MEGF11: variants seen among roughly 807,000 people sequenced by gnomAD.
MEGF11 encodes the protein multiple EGF like domains 11.
MEGF11 carries 126 observed loss-of-function variants against 146.6 expected under a neutral mutation model. That is an observed-to-expected ratio of 0.86 (90% CI 0.74 to 1.00). MEGF11 has a LOEUF of 1.00. Among genes scored for constraint, MEGF11 ranks in the 50% least tolerant of loss-of-function variants. MEGF11 has a pLI of 0.00. For missense variants in MEGF11, 1,509 were observed against 1,521.2 expected (o/e 0.99, Z 0.13); for synonymous variants, 532 against 583.4 (o/e 0.91, Z 1.27).
chr15:66,111,477 GA>G (rs1002852426), intron 4 of MEGF11, among the ~76,000 whole-genome samples: 5 of 152,340 alleles, frequency 3.3e-5, no homozygotes, highest in Admixed American at 3.3e-4. Context: ...AAGTGTTGGG[GA>G]AAGGGGGAGT....
intron 1 of MEGF11, among the ~76,000 whole-genome samples, chr15:66,222,624 G>A (rs1028071462): frequency 2.0e-5 from 3 of 152,146 alleles, no homozygotes; most frequent in Non-Finnish European, 4.4e-5. Context: ...TAGTAGGCTG[G>A]CTCATTCGCT....
intron 1 of MEGF11, among the ~76,000 whole-genome samples, chr15:66,230,546 A>G (rs960073501): frequency 6.6e-6 from 1 of 152,232 alleles, no homozygotes; most frequent in African/African-American, 2.4e-5. Flanking sequence ...AACTTTAGGA[A>G]TAAGAATAAT....
Position 66,039,843 on chromosome 15 carries a change from ACGG to A in MEGF11, c.394+54556_394+54558del, listed in dbSNP as rs1567213541. Among the ~76,000 whole-genome samples the A allele has an allele frequency of 5.3e-4, 2 of 3,776 alleles. 1 individual carries two copies. The highest frequency in any genetic ancestry group is 1.5e-3 in the Non-Finnish European group (2 of 1,328). The allele number at this position is 3,776 out of a possible 152,430, so 2.5% of individuals were successfully genotyped here. ...AGCCGGGTCAGGCGGCGGTGGGGTG[ACGG>A]TCCTGAGCCGGGTCAGGCGGCGGTG... On this transcript the variant is annotated intron_variant, in intron 5 of 25. Coordinates refer to ENST00000395614, the MANE Select transcript of MEGF11 (RefSeq NM_001385028.1).
At chr15:66,009,400 G>A (rs2082632507) in intron 5 of MEGF11, among the ~76,000 whole-genome samples, 1 of 152,038 alleles carries the variant, frequency 6.6e-6, no homozygotes, top group African/African-American at 2.4e-5. Context: ...CCTTGGGGAT[G>A]CTTCCTAGTG....
chr15:66,154,766 G>C (rs990271839), intron 1 of MEGF11, among the ~76,000 whole-genome samples: 3 of 152,200 alleles, frequency 2.0e-5, no homozygotes, highest in Non-Finnish European at 4.4e-5. Flanking sequence ...AGCCACCCCT[G>C]TTGGGCCAGG....
rs76596187 is a variant in MEGF11 at position 65,953,082 on chromosome 15, G to A, written c.1287+4465C>T. ...CATGGCTCTGATCCATCAGGTATCC[G>A]TGGGTACAGCTCATCCCAACACCCT... is the stretch of plus-strand genomic sequence containing the variant. On this transcript the variant is annotated intron_variant, in intron 10 of 25. Transcript: ENST00000395614. Among the ~76,000 whole-genome samples, 514 of 152,300 alleles carry A rather than the reference G, an allele frequency of 3.4e-3. 4 individuals carry two copies. Among genetic ancestry groups the A allele is most frequent in the Non-Finnish European group, 4.8e-3 (329 of 68,034 alleles).
rs180747379 is a variant in MEGF11 at position 66,017,429 on chromosome 15, G to A, written c.395-34941C>T. Among the ~76,000 whole-genome samples, 24 of 152,384 alleles carry A rather than the reference G, an allele frequency of 1.6e-4. No homozygotes were observed. In the East Asian group the frequency reaches 4.4e-3, roughly 28 times the overall value. On this transcript the variant is annotated intron_variant, in intron 5 of 25. Transcript: ENST00000395614. ...AGAAGGAAAAACTGACTGAGCGCCA[G>A]ATGACTTACTCAAGCTTATACAGGT...
intron 1 of MEGF11, among the ~76,000 whole-genome samples, chr15:66,131,492 G>C (rs965891124): frequency 2.0e-5 from 3 of 152,230 alleles, no homozygotes; most frequent in African/African-American, 7.2e-5. Context: ...GCTAGAGAAA[G>C]GGCATTTCTG....
chr15:65,951,022 G>T (rs1316936207), intron 10 of MEGF11, among the ~76,000 whole-genome samples: 1 of 152,216 alleles, frequency 6.6e-6, no homozygotes, highest in Non-Finnish European at 1.5e-5. Context: ...CAGGGAGTTT[G>T]CTGAGCAAGA....
At position 65,916,254 on chromosome 15, in the gene MEGF11, C is replaced by T. The variant is rs2078994662; in HGVS notation, c.2238G>A (p.Gly746=). Residue 746 remains glycine (G), a synonymous_variant, in exon 18 of 26, where the codon GGG becomes GGA. Coordinates refer to ENST00000395614, the MANE Select transcript of MEGF11 (RefSeq NM_001385028.1). ...ACTGGCATACGCGCCCACAGTCCTT[C>T]CCAAAAAATGCTGCTGGGCAGCCTA... is the stretch of plus-strand genomic sequence containing the variant. ...CTQRCPAAFF[G]KDCGRVCQCQ... is the part of the protein sequence containing the mutation. 2 of 1,557,320 alleles carry T rather than the reference C, an allele frequency of 1.3e-6. No homozygotes were observed. Among genetic ancestry groups the T allele is most frequent in the Non-Finnish European group, 8.7e-7 (1 of 1,150,446 alleles).
intron 9 of MEGF11, among the ~76,000 whole-genome samples, chr15:65,960,377 G>A (rs1427415930): frequency 6.6e-6 from 1 of 152,244 alleles, no homozygotes; most frequent in Non-Finnish European, 1.5e-5. Context: ...TACAGTTTGA[G>A]AAAAATTCCT....
intron 1 of MEGF11, among the ~76,000 whole-genome samples, chr15:66,175,033 T>C (rs2090356629): frequency 6.6e-6 from 1 of 152,236 alleles, no homozygotes; most frequent in East Asian, 1.9e-4. Flanking sequence ...CTACTGAGTT[T>C]TGTGTGTTGA....
intron 4 of MEGF11, among the ~76,000 whole-genome samples, chr15:66,106,189 A>G (rs2087069471): frequency 6.6e-6 from 1 of 152,182 alleles, no homozygotes; most frequent in South Asian, 2.1e-4. Context: ...ATGGGAAACA[A>G]TGATGGGGAA....
chr15:65,916,230 C>G lies in MEGF11; in HGVS notation c.2262G>C (p.Gln754His). Reference protein sequence around the residue: ...FFGKDCGRVCQCQNGASCDHI... With the variant: ...FFGKDCGRVCHCQNGASCDHI... ...GGTCACAGCTGGCGCCATTCTGACA[C>G]TGGCATACGCGCCCACAGTCCTTCC... Residue 754 changes from glutamine (Q) to histidine (H), a missense_variant, in exon 18 of 26, where the codon CAG (glutamine) becomes CAC (histidine). Gln to His is a conservative substitution (Grantham distance 24). Transcript: ENST00000395614. The G allele has an allele frequency of 6.4e-7, 1 of 1,564,400 alleles. No individual in the cohort carries two copies. The highest frequency in any genetic ancestry group is 8.7e-7 in the Non-Finnish European group (1 of 1,154,390).
intron 5 of MEGF11, among the ~76,000 whole-genome samples, chr15:66,053,859 G>C (rs1483521030): frequency 6.7e-6 from 1 of 150,138 alleles, no homozygotes; most frequent in Admixed American, 6.7e-5. Flanking sequence ...CTCCCAAATA[G>C]CTGGGACTAC....
intron 10 of MEGF11, among the ~76,000 whole-genome samples, chr15:65,950,796 G>A (rs2080376681): frequency 6.6e-6 from 1 of 152,226 alleles, no homozygotes; most frequent in South Asian, 2.1e-4. Context: ...ACTGCTCAAA[G>A]AATCTGGAGA....
intron 17 of MEGF11, among the ~76,000 whole-genome samples, 165 bp from the exon 18 acceptor site, chr15:65,916,441 G>T (rs878937802): frequency 6.6e-6 from 1 of 152,210 alleles, no homozygotes; most frequent in African/African-American, 2.4e-5. Context: ...TCATGCTGAA[G>T]TGGTAGGGGC....
At chr15:66,155,113 G>A (rs2089707455) in intron 1 of MEGF11, among the ~76,000 whole-genome samples, 1 of 152,252 alleles carries the variant, frequency 6.6e-6, no homozygotes, top group Admixed American at 6.5e-5. Context: ...CAAGGTCACT[G>A]TGTGATTTAT....
rs914194098 is a variant in MEGF11 at position 66,046,736 on chromosome 15, C to T, written c.394+47666G>A. Among the ~76,000 whole-genome samples, 3 of 152,218 alleles carry T rather than the reference C, an allele frequency of 2.0e-5. No individual in the cohort carries two copies. The East Asian group carries it at 5.8e-4, about 29-fold the overall frequency. ...ATGAGGAGAGATGCAGCCCCTGAGC[C>T]TCAATACCCAGCCAAGCCTGACTTT... is the stretch of plus-strand genomic sequence containing the variant. On this transcript the variant is annotated intron_variant, in intron 5 of 25. Transcript: ENST00000395614.
Sources: allele counts gnomAD v4.1 joint callset (sites outside exome capture counted in the v4.1 genomes callset), GRCh38; gene constraint gnomAD v4.1.1; transcripts MANE v1.5; gene names NCBI Gene and HGNC (gene_info 2026-07-23, HGNC 2026-07-21).